ISOC1: variants seen among roughly 807,000 people sequenced by gnomAD.
The protein encoded by ISOC1 is isochorismatase domain containing 1.
Under a neutral mutation model 30.0 loss-of-function variants are expected in ISOC1, and 33 were observed. The observed-to-expected ratio is 1.10, with a 90% CI of 0.83 to 1.47. The LOEUF is 1.47. ISOC1 is among the 40% of genes most tolerant of loss of function. The pLI is 0.00. For missense variants in ISOC1, 372 were observed against 388.0 expected, an observed-to-expected ratio of 0.96 and a Z score of 0.35; for synonymous variants, 178 against 159.8, an observed-to-expected ratio of 1.11 and a Z score of -0.86.
rs751953784 is a variant in ISOC1, at chr5:129,105,173, A to T, written c.430-12A>T. The stretch of plus-strand genomic sequence containing the variant: ...TAGCTAATTGTTTTTGTGTTTGGTT[A>T]TTTTTTTTCAGTTGCAAGGGGCCCG... On this transcript the variant is annotated splice_polypyrimidine_tract_variant and intron_variant, in intron 2 of 4. Transcript: ENST00000173527. 6.2e-7 allele frequency: 1 copy of T among 1,612,108 alleles called. No homozygotes were observed.
chr5:129,101,192 A>AAAAAAAAAAAATAT (rs1554064627), intron 1 of ISOC1, among the ~76,000 whole-genome samples: 4 of 42,236 alleles, frequency 9.5e-5, no homozygotes, highest in African/African-American at 3.7e-4. Flanking sequence ...AAAAAAAAAA[A>AAAAAAAAAAAATAT]ATATATATAT....
At chr5:129,097,566 CTGGCACAGTGAATGCAAACT>C (rs1753519130) in intron 1 of ISOC1, 1 of 152,146 alleles carries the variant, frequency 6.6e-6, no homozygotes, top group Non-Finnish European at 1.5e-5. Context: ...CTTTAAATGC[CTGGCACAGTGAATGCAAACT>C]TGGATTCAAT....
rs980108363 is a variant in ISOC1 at position 129,113,502 on chromosome 5, C to T, written c.*501C>T. The T allele has an allele frequency of 6.5e-6, 1 of 152,792 alleles. No homozygotes were observed. The highest frequency in any genetic ancestry group is 1.9e-4 in the East Asian group (1 of 5,206). 9.5% of individuals were successfully genotyped at this position (152,792 alleles called of 1,614,324 possible). A position where few individuals can be genotyped will look rare whatever the true frequency, so the allele number is the denominator to read the frequency against. ...AGGACTCTGAATCATGTTACCCACT[C>T]CCCTCACAATGTTGTCCACTTAGTG... is the stretch of plus-strand genomic sequence containing the variant. On this transcript the variant is annotated 3_prime_UTR_variant, in exon 5 of 5. Transcript: ENST00000173527.
intron 4 of ISOC1, 96 bp from the exon 5 acceptor site, chr5:129,112,759 G>T: frequency 7.5e-7 from 1 of 1,335,922 alleles, no homozygotes; most frequent in South Asian, 1.4e-5. Context: ...TTCAGTAGAG[G>T]ACACTAATTA....
chr5:129,102,038 A>C (rs539225351), intron 1 of ISOC1, among the ~76,000 whole-genome samples: 1 of 152,196 alleles, frequency 6.6e-6, no homozygotes, highest in Non-Finnish European at 1.5e-5. Flanking sequence ...GTCATTAATG[A>C]CATTAATCTT....
At chr5:129,099,685 A>G (rs1202370592) in intron 1 of ISOC1, among the ~76,000 whole-genome samples, 2 of 152,212 alleles carry the variant, frequency 1.3e-5, no homozygotes, top group Non-Finnish European at 2.9e-5. Context: ...ATAGGTTTCT[A>G]AAGGGATCTT....
chr5:129,098,179 T>C (rs958049589), intron 1 of ISOC1, among the ~76,000 whole-genome samples: 7 of 152,228 alleles, frequency 4.6e-5, no homozygotes, highest in African/African-American at 1.7e-4. Flanking sequence ...ACACAGTGGC[T>C]GCCTTTGCCA....
chr5:129,098,652 C>A (rs537946498), intron 1 of ISOC1, among the ~76,000 whole-genome samples: 1 of 152,150 alleles, frequency 6.6e-6, no homozygotes, highest in African/African-American at 2.4e-5. Flanking sequence ...AGAAGGATGC[C>A]AGTGAGGGGA....
chr5:129,095,098 C>A, intron 1 of ISOC1, 23 bp downstream of exon 1: 1 of 1,522,656 alleles, frequency 6.6e-7, no homozygotes, highest in Non-Finnish European at 8.8e-7. Flanking sequence ...GGAGGCCGCG[C>A]GCTTCCCTGT....
At position 129,094,847 on chromosome 5, in the gene ISOC1, G is replaced by A. The variant is rs758044105; in HGVS notation, c.81G>A (p.Pro27=). The A allele has an allele frequency of 9.0e-5, 141 of 1,568,190 alleles. No homozygotes were observed. Among genetic ancestry groups the A allele is most frequent in the Non-Finnish European group, 1.1e-4 (128 of 1,159,344 alleles). Residue 27 remains proline, a synonymous_variant, in exon 1 of 5, where the codon CCG becomes CCA. Transcript: ENST00000173527. ...GGAGAPSGTV[P]VLFCFSVFAR... is the part of the protein sequence containing the mutation. ...CGGGGGCGCCGTCGGGCACAGTCCCGGTGCTCTTCTGTTTCTCAGTCTTCG... is the reference window on the plus strand; with the variant it reads ...CGGGGGCGCCGTCGGGCACAGTCCCAGTGCTCTTCTGTTTCTCAGTCTTCG...
At chr5:129,111,137 T>C (rs79772988) in intron 4 of ISOC1, among the ~76,000 whole-genome samples, 100 of 152,126 alleles carry the variant, frequency 6.6e-4, no homozygotes, top group African/African-American at 2.4e-3. Flanking sequence ...ATCAGCTGAC[T>C]ATAAAGCAAG....
chr5:129,097,347 A>T (rs935793663), intron 1 of ISOC1, among the ~76,000 whole-genome samples: 1 of 152,174 alleles, frequency 6.6e-6, no homozygotes, highest in Non-Finnish European at 1.5e-5. Context: ...ATACCTTCTG[A>T]TACCGATTTA....
At chr5:129,101,160 T>TAAAA (rs1753565392) in intron 1 of ISOC1, among the ~76,000 whole-genome samples, 1 of 3,046 alleles carries the variant, frequency 3.3e-4, no homozygotes, top group Non-Finnish European at 6.8e-4. Context: ...GCTCAGCTAA[T>TAAAA]CAAAAAAAAA....
intron 1 of ISOC1, among the ~76,000 whole-genome samples, chr5:129,096,881 A>T (rs1753509591): frequency 6.6e-6 from 1 of 152,146 alleles, no homozygotes; most frequent in Non-Finnish European, 1.5e-5. Context: ...GCCTTCCAAG[A>T]TAGGATTTTT....
chr5:129,107,422 G>T (rs1364811723), intron 4 of ISOC1, among the ~76,000 whole-genome samples: 2 of 152,096 alleles, frequency 1.3e-5, no homozygotes, highest in Non-Finnish European at 2.9e-5. Flanking sequence ...AACTCATTTA[G>T]CCAAAAGCTA....
intron 3 of ISOC1, among the ~76,000 whole-genome samples, chr5:129,105,940 G>C (rs758842391): frequency 6.6e-6 from 1 of 151,892 alleles, no homozygotes; most frequent in East Asian, 1.9e-4. Context: ...TAAAAATTAA[G>C]AAAAAACCAC....
Position 129,094,811 on chromosome 5 carries a change from C to A in ISOC1, c.45C>A (p.Gly15=). 2 of 1,536,524 alleles carry A rather than the reference C, an allele frequency of 1.3e-6. No individual in the cohort carries two copies. The highest frequency in any genetic ancestry group is 1.7e-6 in the Non-Finnish European group (2 of 1,145,548). Residue 15 remains glycine (G), a synonymous_variant, in exon 1 of 5, where the codon GGC becomes GGA. Transcript: ENST00000173527. ...CGGTCCTTGCGCTCCCCAACAGCGGCGCCGGGGGCGCGGGGGCGCCGTCGG... is the reference window on the plus strand; with the variant it reads ...CGGTCCTTGCGCTCCCCAACAGCGGAGCCGGGGGCGCGGGGGCGCCGTCGG... The part of the protein sequence containing the change: ...EPAVLALPNS[G]AGGAGAPSGT...
In ISOC1 at chr5:129,113,115, G is replaced by A. The variant is rs1056499937; in HGVS notation, c.*114G>A. The A allele has an allele frequency of 1.1e-5, 11 of 1,046,788 alleles. No individual in the cohort carries two copies. In the African/African-American group the frequency reaches 1.8e-4, roughly 17 times the overall value. The allele number at this position is 1,046,788 out of a possible 1,614,324, so 64.8% of individuals were successfully genotyped here. On this transcript the variant is annotated 3_prime_UTR_variant, in exon 5 of 5. Transcript: ENST00000173527. ...AGAATTAAAATGTTAAGTCAAAAACGGCTCCTTTTTTGCGCCTCCTAGTGA... is the reference window on the plus strand; with the variant it reads ...AGAATTAAAATGTTAAGTCAAAAACAGCTCCTTTTTTGCGCCTCCTAGTGA...
chr5:129,102,970 C>T (rs1395282388), intron 1 of ISOC1, among the ~76,000 whole-genome samples: 1 of 152,178 alleles, frequency 6.6e-6, no homozygotes, highest in African/African-American at 2.4e-5. Context: ...TGGCCTCCAC[C>T]ACATTTACGC....
Sources: allele counts gnomAD v4.1 joint callset (sites outside exome capture counted in the v4.1 genomes callset), GRCh38; gene constraint gnomAD v4.1.1; transcripts MANE v1.5; gene names NCBI Gene and HGNC (gene_info 2026-07-23, HGNC 2026-07-21).